Variants in PPP4R2 observed in about 807,000 individuals in gnomAD.
The protein encoded by PPP4R2 is serine/threonine-protein phosphatase 4 regulatory subunit 2.
In PPP4R2, 13 loss-of-function variants were observed where a neutral mutation model predicts 47.2. That is an observed-to-expected ratio of 0.28 (90% confidence interval 0.18 to 0.44). PPP4R2 has a LOEUF of 0.44. Among genes scored for constraint, PPP4R2 ranks in the 20% least tolerant of loss-of-function variants. The pLI is 1.00. For missense variants in PPP4R2, 421 were observed against 491.2 expected (o/e 0.86, Z 1.35); for synonymous variants, 151 against 163.3 (o/e 0.92, Z 0.57).
chr3:73,065,482 G>T lies in PPP4R2; in HGVS notation c.1014G>T (p.Glu338Asp), dbSNP rs760358084. The T allele has an allele frequency of 9.9e-6, 16 of 1,611,628 alleles. No individual in the cohort carries two copies. Among genetic ancestry groups the T allele is most frequent in the Admixed American group, 1.7e-5 (1 of 59,982 alleles). Residue 338 changes from glutamate (E) to aspartate (D), a missense_variant, in exon 9 of 9, where the codon GAG becomes GAT. Glu to Asp is a conservative substitution (Grantham distance 45). Around this residue, in one of 2 missense-constraint regions of PPP4R2, gnomAD observed 317 missense variants for 287.5 expected, o/e 1.10. Coordinates refer to ENST00000356692, the MANE Select transcript of PPP4R2 (RefSeq NM_174907.4). ...ESDDALTVNE[E>D]TSEENNQMEE... ...ATGATGCCTTAACTGTGAATGAAGA[G>T]ACTTCTGAGGAAAATAATCAAATGG...
chr3:73,045,401 G>A (rs1351178297), intron 2 of PPP4R2, among the ~76,000 whole-genome samples: 2 of 152,062 alleles, frequency 1.3e-5, no homozygotes, highest in Non-Finnish European at 2.9e-5. Flanking sequence ...AAATTGTCCA[G>A]ACTTTTAGTT....
chr3:73,062,226 T>C, intron 5 of PPP4R2: 2 of 1,596,654 alleles, frequency 1.3e-6, no homozygotes, highest in Non-Finnish European at 8.5e-7. Flanking sequence ...TTCCACAATG[T>C]CTCATCTAAG....
At chr3:73,051,960 G>A (rs1255851519) in intron 3 of PPP4R2, among the ~76,000 whole-genome samples, 1 of 152,124 alleles carries the variant, frequency 6.6e-6, no homozygotes, top group African/African-American at 2.4e-5. Context: ...AGTGGAAATT[G>A]TCCATGCACT....
intron 2 of PPP4R2, among the ~76,000 whole-genome samples, chr3:73,032,164 C>T (rs1003247500): frequency 2.0e-5 from 3 of 152,062 alleles, no homozygotes; most frequent in East Asian, 1.9e-4. Context: ...TTTATTAATA[C>T]GATAAAGGTC....
chr3:72,997,414 T>C (rs2107186582), intron 1 of PPP4R2: 1 of 224,656 alleles, frequency 4.5e-6, no homozygotes. Flanking sequence ...AGGCTACCCG[T>C]ACGCTAGGCG....
At chr3:73,039,014 A>C (rs185030040) in intron 2 of PPP4R2, among the ~76,000 whole-genome samples, 33 of 152,240 alleles carry the variant, frequency 2.2e-4, no homozygotes, top group Non-Finnish European at 1.5e-4. Context: ...AGCAGGTACT[A>C]TGCCATCTTC....
At chr3:73,035,625 C>CT (rs949999072) in intron 2 of PPP4R2, among the ~76,000 whole-genome samples, 31 of 151,072 alleles carry the variant, frequency 2.1e-4, no homozygotes, top group Middle Eastern at 3.4e-3. Flanking sequence ...CCTGCACTTT[C>CT]TTTTTTTTTC....
intron 3 of PPP4R2, among the ~76,000 whole-genome samples, chr3:73,054,156 G>GA (rs1702680023): frequency 6.6e-6 from 1 of 152,094 alleles, no homozygotes; most frequent in Non-Finnish European, 1.5e-5. Context: ...GACCTCAGGT[G>GA]ATCCACCCGC....
chr3:73,005,800 C>G (rs1187898226), intron 2 of PPP4R2, among the ~76,000 whole-genome samples: 3 of 129,284 alleles, frequency 2.3e-5, no homozygotes, highest in Non-Finnish European at 4.8e-5. Context: ...TCGTTGCACT[C>G]CAGTCTGGGC....
chr3:73,025,850 C>A (rs1025615693), intron 2 of PPP4R2, among the ~76,000 whole-genome samples: 2 of 152,124 alleles, frequency 1.3e-5, no homozygotes, highest in Non-Finnish European at 2.9e-5. Context: ...TTAGGGAAAT[C>A]ACTCAGGAGA....
chr3:73,002,709 T>G (rs1262495321), intron 2 of PPP4R2, among the ~76,000 whole-genome samples: 1 of 143,462 alleles, frequency 7.0e-6, no homozygotes, highest in Non-Finnish European at 1.5e-5. Flanking sequence ...TGGCGCGATC[T>G]CGGCTCGCTA....
chr3:73,047,475 C>A, intron 3 of PPP4R2, 119 bp downstream of exon 3: 1 of 613,672 alleles, frequency 1.6e-6, no homozygotes, highest in Non-Finnish European at 2.6e-6. Context: ...TTCCTTGTTT[C>A]TAGTGACATG....
At chr3:73,002,634 C>CTTTTTTCTTTTTTTTTT (rs1701498300) in intron 2 of PPP4R2, among the ~76,000 whole-genome samples, 1 of 41,166 alleles carries the variant, frequency 2.4e-5, no homozygotes, top group African/African-American at 1.2e-4. Flanking sequence ...CTTTTCTTTT[C>CTTTTTTCTTTTTTTTTT]TTTTTTTTTT....
At chr3:73,062,701 A>C (rs751004300) in intron 5 of PPP4R2, 6 of 1,613,992 alleles carry the variant, frequency 3.7e-6, no homozygotes, top group East Asian at 2.2e-5. Flanking sequence ...AGCAGTCTCC[A>C]AGTTCAGAGA....
intron 2 of PPP4R2, among the ~76,000 whole-genome samples, chr3:73,039,962 G>A (rs1486560423): frequency 6.6e-6 from 1 of 152,208 alleles, no homozygotes; most frequent in Non-Finnish European, 1.5e-5. Flanking sequence ...GCTGAGGCAG[G>A]AGAATTGCTT....
chr3:73,047,187 A>G lies in PPP4R2; in HGVS notation c.118A>G (p.Ile40Val), dbSNP rs1298412798. The G allele has an allele frequency of 6.5e-7, 1 of 1,532,920 alleles. No individual in the cohort carries two copies. Among genetic ancestry groups the G allele is most frequent in the Non-Finnish European group, 8.8e-7 (1 of 1,135,914 alleles). The allele number at this position is 1,532,920 out of a possible 1,614,324, so 95.0% of individuals were successfully genotyped here. ...CHVAKTGETM[I>V]QWSQFKGYFI... ...TATTTTTTAATTTTTTGCTTATAGG[A>G]TTCAGTGGTCCCAATTTAAAGGCTA... Residue 40 changes from isoleucine (I) to valine (V), a missense_variant and splice_region_variant, in exon 3 of 9, where the codon ATT (isoleucine) becomes GTT (valine). Ile to Val is a conservative substitution (Grantham distance 29). This residue lies in a region of PPP4R2 where 104 missense variants were observed against 203.7 expected (regional missense o/e 0.51). Transcript: ENST00000356692.
intron 2 of PPP4R2, among the ~76,000 whole-genome samples, chr3:73,011,186 G>T (rs6549495): frequency 0.53 from 80,281 of 152,022 alleles, 21,583 homozygotes; most frequent in African/African-American, 0.62. Context: ...CTGTTAGAAT[G>T]CGGAGCTTTC....
At chr3:73,058,064 A>T (rs1330468355) in intron 3 of PPP4R2, among the ~76,000 whole-genome samples, 1 of 151,536 alleles carries the variant, frequency 6.6e-6, no homozygotes, top group East Asian at 1.9e-4. Flanking sequence ...TTCAGCTTGT[A>T]ATTCTTATGA....
intron 2 of PPP4R2, among the ~76,000 whole-genome samples, chr3:73,016,900 C>T (rs1701851651): frequency 6.7e-6 from 1 of 148,522 alleles, no homozygotes; most frequent in Non-Finnish European, 1.5e-5. Flanking sequence ...CTCCACCTCC[C>T]ACTGAAACCT....
Sources: gnomAD v4.1 joint callset for allele counts (sites outside exome capture counted in the v4.1 genomes callset) on GRCh38, gnomAD v4.1.1 for gene constraint, gnomAD v4.1.1 regional missense constraint, MANE v1.5 for transcripts, NCBI Gene and HGNC (gene_info 2026-07-23, HGNC 2026-07-21) for gene names.